PITPNA: variants seen among roughly 807,000 people sequenced by gnomAD.
PITPNA encodes phosphatidylinositol transfer protein alpha isoform.
A neutral mutation model predicts 50.3 loss-of-function variants in PITPNA; 13 were observed. That is an observed-to-expected ratio of 0.26 (90% CI 0.17 to 0.41). The LOEUF is 0.41. Ranked by LOEUF, PITPNA falls within the 10% of genes least tolerant of loss-of-function variation. The pLI, the probability that PITPNA is intolerant of heterozygous loss-of-function variation, is 1.00. For missense variants in PITPNA, 207 were observed against 333.4 expected, an observed-to-expected ratio of 0.62 and a Z score of 2.95; for synonymous variants, 120 against 119.6, an observed-to-expected ratio of 1.00 and a Z score of -0.02.
At chr17:1,544,837 C>T (rs1389946155) in intron 4 of PITPNA, among the ~76,000 whole-genome samples, 2 of 152,102 alleles carry the variant, frequency 1.3e-5, no homozygotes, top group South Asian at 2.1e-4. Context: ...ACTGTACCCA[C>T]ACATGGAGGC....
intron 6 of PITPNA, among the ~76,000 whole-genome samples, chr17:1,540,564 G>A (rs1215614521): frequency 6.6e-6 from 1 of 151,336 alleles, no homozygotes; most frequent in Non-Finnish European, 1.5e-5. Context: ...TGCATTTAAC[G>A]TTGTCCTACT....
rs567396811 is a variant in PITPNA at position 1,560,421 on chromosome 17, G to C, written c.21-1862C>G. Among the ~76,000 whole-genome samples the C allele has an allele frequency of 1.3e-3, 202 of 152,186 alleles. 1 individual carries two copies. The highest frequency in any genetic ancestry group is 4.7e-3 in the African/African-American group (195 of 41,516). ...TGCCCCTGCTCCTCCCCCGTCCCCC[G>C]CCCAGGGATGCACACACGGGGCACG... On this transcript the variant is annotated intron_variant, in intron 1 of 11. Coordinates refer to ENST00000313486, the MANE Select transcript of PITPNA (RefSeq NM_006224.4).
At chr17:1,555,024 G>A (rs929340803) in intron 2 of PITPNA, among the ~76,000 whole-genome samples, 2 of 152,160 alleles carry the variant, frequency 1.3e-5, no homozygotes, top group African/African-American at 4.8e-5. Flanking sequence ...GGCTGAGCCA[G>A]GGGTGCCTAA....
At position 1,543,778 on chromosome 17, in the gene PITPNA, C is replaced by T. The variant is rs80192490; in HGVS notation, c.290-751G>A. On this transcript the variant is annotated intron_variant, in intron 4 of 11. Transcript: ENST00000313486. ...TATAAAGAGTAAGAGCTATCACGCACAGAAATAACCCAAAAGACTGTCAGT... is the reference window on the plus strand; with the variant it reads ...TATAAAGAGTAAGAGCTATCACGCATAGAAATAACCCAAAAGACTGTCAGT... 9.4e-3 allele frequency among the ~76,000 whole-genome samples: 1,429 copies of T among 152,254 alleles called. 8 individuals are homozygous for T. Among genetic ancestry groups the T allele is most frequent in the Non-Finnish European group, 0.016 (1,090 of 68,016 alleles).
At position 1,518,121 on chromosome 17, in the gene PITPNA, CAA is replaced by C. The variant is rs1351744754; in HGVS notation, c.*2438_*2439del. On this transcript the variant is annotated 3_prime_UTR_variant, in exon 12 of 12. Transcript: ENST00000313486. Reference sequence around the variant, plus strand: ...ATTCTACAAAGTGTAGTTTGTAAAACAAGTAGCACTAGGAACCAACCAAAGTA... The same window carrying C: ...ATTCTACAAAGTGTAGTTTGTAAAACGTAGCACTAGGAACCAACCAAAGTA... 4.6e-5 allele frequency: 7 copies of C among 152,532 alleles called. No individual in the cohort carries two copies. The highest frequency in any genetic ancestry group is 1.0e-4 in the Non-Finnish European group (7 of 68,016). The allele number at this position is 152,532 out of a possible 1,614,324, so 9.4% of individuals were successfully genotyped here. A position where few individuals can be genotyped will look rare whatever the true frequency, so the allele number is the denominator to read the frequency against.
chr17:1,548,215 G>T (rs897556853), intron 4 of PITPNA, 81 bp downstream of exon 4: 3 of 888,986 alleles, frequency 3.4e-6, no homozygotes, highest in Non-Finnish European at 5.3e-6. Context: ...CCTTTCCCTG[G>T]CCTAATCCGG....
chr17:1,535,828 T>A, intron 7 of PITPNA: 2 of 349,566 alleles, frequency 5.7e-6, no homozygotes, highest in Non-Finnish European at 1.1e-5. Context: ...AGCATCCAGA[T>A]CACCAGGGAA....
At position 1,553,152 on chromosome 17, in the gene PITPNA, A is replaced by G; in HGVS notation, c.52-3T>C. On this transcript the variant is annotated splice_region_variant and splice_polypyrimidine_tract_variant and intron_variant, in intron 2 of 11. Transcript: ENST00000313486. ...GAATACAGCTGCCCCACTTGATACT[A>G]AAGGACAGAGACAGATGTTATTCTC... 1 of 1,613,902 alleles carries G rather than the reference A, an allele frequency of 6.2e-7. No individual in the cohort carries two copies. Among genetic ancestry groups the G allele is most frequent in the South Asian group, 1.1e-5 (1 of 91,088 alleles).
chr17:1,547,106 T>C (rs2075678847), intron 4 of PITPNA, among the ~76,000 whole-genome samples: 1 of 150,984 alleles, frequency 6.6e-6, no homozygotes, highest in Non-Finnish European at 1.5e-5. Context: ...ATGCCTGTAA[T>C]GCCAGCACTT....
chr17:1,544,054 G>C (rs2075661207), intron 4 of PITPNA, among the ~76,000 whole-genome samples: 1 of 152,234 alleles, frequency 6.6e-6, no homozygotes. Context: ...GCAGTGCCAG[G>C]ATGGCCTGGT....
intron 6 of PITPNA, among the ~76,000 whole-genome samples, chr17:1,541,347 C>T (rs1269835462): frequency 6.6e-6 from 1 of 151,984 alleles, no homozygotes; most frequent in Non-Finnish European, 1.5e-5. Flanking sequence ...TGCACCAATC[C>T]AAGCAGTACG....
chr17:1,544,023 G>A (rs2075661010), intron 4 of PITPNA, among the ~76,000 whole-genome samples: 3 of 152,228 alleles, frequency 2.0e-5, no homozygotes, highest in East Asian at 1.9e-4. Context: ...CTCTGGCAGC[G>A]CCATCCCTGG....
intron 2 of PITPNA, 111 bp downstream of exon 2, chr17:1,558,418 G>A (rs2075749728): frequency 1.4e-6 from 1 of 717,446 alleles, no homozygotes; most frequent in African/African-American, 1.8e-5. Context: ...AAATATTTAT[G>A]TTAGAACAAA....
At chr17:1,533,958 G>A in intron 10 of PITPNA, 141 bp downstream of exon 10, 1 of 925,074 alleles carries the variant, frequency 1.1e-6, no homozygotes, top group East Asian at 2.5e-5. Flanking sequence ...CCCACGTACT[G>A]CCCAGGATAC....
At chr17:1,533,864 C>T (rs1478641120) in intron 10 of PITPNA, among the ~76,000 whole-genome samples, 1 of 152,202 alleles carries the variant, frequency 6.6e-6, no homozygotes, top group Admixed American at 6.5e-5. Context: ...TCGGCACATA[C>T]TGCCATTTTT....
At chr17:1,521,525 A>G in intron 11 of PITPNA, 54 bp downstream of exon 11, 1 of 1,324,686 alleles carries the variant, frequency 7.5e-7, no homozygotes, top group Non-Finnish European at 1.1e-6. Context: ...AGGCCTTGAA[A>G]CCCAAACTGA....
At chr17:1,557,879 G>A (rs2075744096) in intron 2 of PITPNA, among the ~76,000 whole-genome samples, 1 of 152,244 alleles carries the variant, frequency 6.6e-6, no homozygotes. Context: ...AAAGAGCCAC[G>A]CACACTTGCC....
At chr17:1,536,341 G>A (rs1342327492) in intron 7 of PITPNA, among the ~76,000 whole-genome samples, 2 of 148,198 alleles carry the variant, frequency 1.3e-5, no homozygotes, top group Non-Finnish European at 3.0e-5. Flanking sequence ...AGGCTGGAGT[G>A]CAGTAGCGCG....
chr17:1,562,201 G>C lies in PITPNA; in HGVS notation c.20+340C>G, dbSNP rs1228235406. Among the ~76,000 whole-genome samples the C allele has an allele frequency of 6.6e-6, 1 of 152,042 alleles. No individual in the cohort carries two copies. Among genetic ancestry groups the C allele is most frequent in the African/African-American group, 2.4e-5 (1 of 41,404 alleles). ...CCGAGGCCCCCGGGGCGCCTGAGGA[G>C]CCGTCCGCCCGGGTTGTCCCTCCGT... On this transcript the variant is annotated intron_variant, in intron 1 of 11. Coordinates refer to ENST00000313486, the MANE Select transcript of PITPNA (RefSeq NM_006224.4). This position sits in a 1 kb window ranked among gnomAD's most constrained non-coding sequence, Gnocchi z 6.4.
Sources: allele counts gnomAD v4.1 joint callset (sites outside exome capture counted in the v4.1 genomes callset), GRCh38; gene constraint gnomAD v4.1.1; non-coding constraint Gnocchi (gnomAD v3.1); transcripts MANE v1.5; gene names NCBI Gene and HGNC (gene_info 2026-07-23, HGNC 2026-07-21).